SPMIP2: variants seen among roughly 807,000 people sequenced by gnomAD.
SPMIP2 encodes sperm microtubule inner protein 2, also known as protein SPMIP2.
chr4:158,981,806 C>CA, the SPMIP2 span, among the ~76,000 whole-genome samples: 3 of 77,304 alleles, frequency 3.9e-5, no homozygotes, highest in East Asian at 4.1e-4. Context: ...AACTAATGGG[C>CA]AAAAAAAAAA....
chr4:158,999,724 C>G, the SPMIP2 span, among the ~76,000 whole-genome samples: 2 of 152,180 alleles, frequency 1.3e-5, no homozygotes, highest in Admixed American at 6.5e-5. Context: ...ATGGATTTCA[C>G]TATGCTGCAG....
At chr4:159,069,975 T>C in the SPMIP2 span, among the ~76,000 whole-genome samples, 3 of 152,138 alleles carry the variant, frequency 2.0e-5, no homozygotes, top group African/African-American at 7.2e-5. Flanking sequence ...CATGTAATAT[T>C]TTAAGCACGT....
the SPMIP2 span, among the ~76,000 whole-genome samples, chr4:159,037,792 A>T: frequency 9.0e-6 from 1 of 111,344 alleles, no homozygotes; most frequent in South Asian, 3.4e-4. Flanking sequence ...ATATACACAC[A>T]CACACACACA....
the SPMIP2 span, among the ~76,000 whole-genome samples, chr4:159,050,109 G>A: frequency 6.6e-6 from 1 of 152,090 alleles, no homozygotes; most frequent in African/African-American, 2.4e-5. Context: ...GGGAAGCCAT[G>A]AAAATAAAGT....
chr4:159,076,461 G>GC, the SPMIP2 span, among the ~76,000 whole-genome samples: 1 of 151,968 alleles, frequency 6.6e-6, no homozygotes, highest in Non-Finnish European at 1.5e-5. Context: ...GGGACAACCA[G>GC]CATATCATGA....
the SPMIP2 span, among the ~76,000 whole-genome samples, chr4:158,989,003 A>T: frequency 6.6e-6 from 1 of 152,294 alleles, no homozygotes; most frequent in East Asian, 1.9e-4. Flanking sequence ...TCAGCCCAAA[A>T]TCTCCTTAAG....
At chr4:159,078,373 C>T in the SPMIP2 span, among the ~76,000 whole-genome samples, 3 of 152,310 alleles carry the variant, frequency 2.0e-5, no homozygotes, top group Admixed American at 2.0e-4. Context: ...ACTAGTTCTA[C>T]ACCAAGTTTC....
the SPMIP2 span, among the ~76,000 whole-genome samples, chr4:158,946,252 G>C: frequency 6.6e-6 from 1 of 152,186 alleles, no homozygotes; most frequent in Non-Finnish European, 1.5e-5. Flanking sequence ...ACAGTCTCTT[G>C]AGCTAGCTTT....
chr4:158,949,774 G>T, the SPMIP2 span, among the ~76,000 whole-genome samples: 3 of 152,146 alleles, frequency 2.0e-5, no homozygotes, highest in Non-Finnish European at 4.4e-5. Flanking sequence ...CATGCCTGTT[G>T]AATGTGGCTG....
chr4:158,937,502 T>A, the SPMIP2 span: 1 of 154,384 alleles, frequency 6.5e-6, no homozygotes, highest in Admixed American at 6.5e-5. Context: ...TGTGCAGTCT[T>A]CAGGATGCTG....
the SPMIP2 span, among the ~76,000 whole-genome samples, chr4:159,053,596 C>T: frequency 0.074 from 11,319 of 152,174 alleles, 575 homozygotes; most frequent in South Asian, 0.13. Flanking sequence ...TCTGAGTTCC[C>T]TTCTACCACC....
the SPMIP2 span, among the ~76,000 whole-genome samples, chr4:158,974,627 G>A: frequency 6.6e-6 from 1 of 152,110 alleles, no homozygotes; most frequent in Non-Finnish European, 1.5e-5. Flanking sequence ...TCCCTCCAAA[G>A]GATATGAACT....
At chr4:159,000,498 T>C in the SPMIP2 span, among the ~76,000 whole-genome samples, 2 of 149,628 alleles carry the variant, frequency 1.3e-5, no homozygotes, top group African/African-American at 4.9e-5. Context: ...CTTCTTCTTT[T>C]TTTTTTTTTT....
the SPMIP2 span, among the ~76,000 whole-genome samples, chr4:158,965,074 C>T: frequency 1.3e-5 from 2 of 152,168 alleles, no homozygotes; most frequent in South Asian, 2.1e-4. Context: ...ATGCTAATTG[C>T]CTCATTAATT....
the SPMIP2 span, among the ~76,000 whole-genome samples, chr4:159,068,684 T>TAAAAAATA: frequency 2.8e-5 from 4 of 144,392 alleles, no homozygotes; most frequent in African/African-American, 1.0e-4. Flanking sequence ...AATAAATAAA[T>TAAAAAATA]AAAAAATAAA....
chr4:158,937,803 A>G, the SPMIP2 span, among the ~76,000 whole-genome samples: 1 of 152,252 alleles, frequency 6.6e-6, no homozygotes, highest in Non-Finnish European at 1.5e-5. Context: ...ATATGCATAA[A>G]CAATAACTGA....
At chr4:159,002,795 C>T in the SPMIP2 span, among the ~76,000 whole-genome samples, 3 of 151,800 alleles carry the variant, frequency 2.0e-5, no homozygotes, top group Non-Finnish European at 2.9e-5. Flanking sequence ...CACACACACA[C>T]GCAGTGTTGT....
the SPMIP2 span, among the ~76,000 whole-genome samples, chr4:158,902,412 G>A: frequency 6.6e-6 from 1 of 152,156 alleles, no homozygotes; most frequent in Non-Finnish European, 1.5e-5. Context: ...CCTGTATGAG[G>A]TTCTGTCGGC....
the SPMIP2 span, among the ~76,000 whole-genome samples, chr4:158,911,156 AGAAG>A: frequency 3.1e-3 from 473 of 152,246 alleles, 1 homozygote; most frequent in African/African-American, 0.011. Context: ...CAACCCTCTG[AGAAG>A]GAAGGAGGTA....
Sources: allele counts gnomAD v4.1 joint callset (sites outside exome capture counted in the v4.1 genomes callset), GRCh38; gene constraint gnomAD v4.1.1; transcripts MANE v1.5; gene names NCBI Gene and HGNC (gene_info 2026-07-23, HGNC 2026-07-21).